TAB2: variants seen among roughly 807,000 people sequenced by gnomAD.
The protein encoded by TAB2 is TGF-beta-activated kinase 1 and MAP3K7-binding protein 2.
A neutral mutation model predicts 65.0 loss-of-function variants in TAB2; 3 were observed. The ratio of observed to expected loss-of-function variants is 0.05; its 90% confidence interval spans 0.02 to 0.12. The LOEUF is 0.12. Among genes scored for constraint, TAB2 ranks in the 10% least tolerant of loss-of-function variants. TAB2 has a pLI of 1.00. For missense variants in TAB2, 623 were observed against 840.3 expected (o/e 0.74, Z 3.20); for synonymous variants, 298 against 285.1 (o/e 1.05, Z -0.46).
At chr6:149,263,339 T>C (rs1011656877) in intron 1 of TAB2, among the ~76,000 whole-genome samples, 5 of 152,220 alleles carry the variant, frequency 3.3e-5, no homozygotes, top group African/African-American at 1.2e-4. Flanking sequence ...TTGGTAGTTA[T>C]CTATATCGAA....
At chr6:149,276,242 A>G (rs982403081) in intron 1 of TAB2, among the ~76,000 whole-genome samples, 1 of 152,198 alleles carries the variant, frequency 6.6e-6, no homozygotes, top group Non-Finnish European at 1.5e-5. Context: ...AATATAATGG[A>G]CTAAAAATTG....
At chr6:149,281,568 A>AAAC (rs1778575367) in intron 1 of TAB2, among the ~76,000 whole-genome samples, 3 of 150,486 alleles carry the variant, frequency 2.0e-5, no homozygotes, top group African/African-American at 7.3e-5. Flanking sequence ...AAAAAAAAAA[A>AAAC]AAAAAAAAAA....
At chr6:149,301,210 A>C (rs1241409272) in intron 1 of TAB2, among the ~76,000 whole-genome samples, 1 of 152,202 alleles carries the variant, frequency 6.6e-6, no homozygotes, top group Non-Finnish European at 1.5e-5. Flanking sequence ...GGACAACCAA[A>C]ACCAGAAGGC....
chr6:149,234,781 C>T (rs1345995630), intron 1 of TAB2, among the ~76,000 whole-genome samples: 1 of 145,896 alleles, frequency 6.9e-6, no homozygotes, highest in Non-Finnish European at 1.5e-5. Flanking sequence ...GAGATTTTTT[C>T]AGTGATTTGA....
At chr6:149,400,660 C>G in intron 6 of TAB2, 2 of 1,614,068 alleles carry the variant, frequency 1.2e-6, no homozygotes, top group Non-Finnish European at 1.7e-6. Flanking sequence ...TTTCAACAGC[C>G]TACGGGAGGT....
intron 1 of TAB2, among the ~76,000 whole-genome samples, chr6:149,237,058 G>A (rs115991557): frequency 0.016 from 2,419 of 152,224 alleles, 70 homozygotes; most frequent in African/African-American, 0.056. Flanking sequence ...GATCCCCTCC[G>A]TGGATCGTGT....
At chr6:149,315,384 G>A (rs1434622188), upstream of TAB2, among the ~76,000 whole-genome samples, 2 of 152,164 alleles carry the variant, frequency 1.3e-5, no homozygotes, top group East Asian at 1.9e-4. Flanking sequence ...ACAGATGTGT[G>A]TATGTGTGTA....
intron 1 of TAB2, among the ~76,000 whole-genome samples, chr6:149,356,314 A>G (rs1401129221): frequency 2.0e-5 from 3 of 152,244 alleles, no homozygotes; most frequent in East Asian, 3.8e-4. Context: ...ACTCAACTTC[A>G]TTTTATACAC....
At chr6:149,369,764 T>C (rs1392367109) in intron 1 of TAB2, 145 bp from the exon 2 acceptor site, 1 of 600,622 alleles carries the variant, frequency 1.7e-6, no homozygotes, top group Non-Finnish European at 2.9e-6. Flanking sequence ...TATAACTATA[T>C]GGAAAGCATT....
chr6:149,229,234 A>C (rs958877688), intron 1 of TAB2, among the ~76,000 whole-genome samples: 1 of 152,166 alleles, frequency 6.6e-6, no homozygotes. Context: ...AGATGCCAAA[A>C]CCAAGGGGGA....
chr6:149,401,730 G>A (rs540639255), intron 6 of TAB2, among the ~76,000 whole-genome samples: 43 of 152,114 alleles, frequency 2.8e-4, no homozygotes, highest in South Asian at 2.3e-3. Context: ...CACAAAACGA[G>A]TTTAAACAAA....
At chr6:149,244,467 C>T (rs1013645779) in intron 1 of TAB2, 2 of 152,330 alleles carry the variant, frequency 1.3e-5, no homozygotes, top group Non-Finnish European at 2.9e-5. Context: ...GAGACAAGGA[C>T]TCTGGGAGTT....
intron 1 of TAB2, among the ~76,000 whole-genome samples, chr6:149,277,837 T>G (rs1778504579): frequency 1.3e-5 from 2 of 152,204 alleles, no homozygotes; most frequent in South Asian, 4.1e-4. Context: ...ACATCAGAAT[T>G]AAAGGCATCA....
chr6:149,299,324 C>A (rs537280886), intron 1 of TAB2, among the ~76,000 whole-genome samples: 1 of 152,302 alleles, frequency 6.6e-6, no homozygotes, highest in South Asian at 2.1e-4. Context: ...GTAATCCCAG[C>A]ACTTTGGGAG....
intron 1 of TAB2, among the ~76,000 whole-genome samples, chr6:149,231,165 A>C (rs985931661): frequency 2.0e-5 from 3 of 152,200 alleles, no homozygotes; most frequent in African/African-American, 7.2e-5. Flanking sequence ...GTGCTTCTGA[A>C]CTTTTACACC....
intron 1 of TAB2, among the ~76,000 whole-genome samples, chr6:149,339,193 G>A (rs541480753): frequency 6.6e-6 from 1 of 151,982 alleles, no homozygotes; most frequent in Non-Finnish European, 1.5e-5. Context: ...GTGAAACTTG[G>A]CTCTACTAAA....
In TAB2 at chr6:149,378,812, T is replaced by C. The variant is rs971262944; in HGVS notation, c.897T>C (p.His299=). The C allele has an allele frequency of 2.5e-6, 4 of 1,614,054 alleles. No homozygotes were observed. Among genetic ancestry groups the C allele is most frequent in the African/African-American group, 1.3e-5 (1 of 74,904 alleles). Residue 299 remains histidine (H), a synonymous_variant, in exon 3 of 7, where the codon CAT becomes CAC. Coordinates refer to ENST00000637181, the MANE Select transcript of TAB2 (RefSeq NM_001292034.3). ...CTACTTCACAACCACCAACCATTCATTCATCTGGTAGCTCACAGTCTTCTG... is the reference window on the plus strand; with the variant it reads ...CTACTTCACAACCACCAACCATTCACTCATCTGGTAGCTCACAGTCTTCTG... ...SPTTSQPPTI[H]SSGSSQSSAH... is the part of the protein sequence containing the mutation.
At chr6:149,399,638 A>G (rs939799723) in intron 6 of TAB2, among the ~76,000 whole-genome samples, 1 of 151,830 alleles carries the variant, frequency 6.6e-6, no homozygotes, top group African/African-American at 2.4e-5. Context: ...TACATCATTG[A>G]TATTCTCAGA....
intron 6 of TAB2, among the ~76,000 whole-genome samples, chr6:149,408,222 T>A (rs1162928704): frequency 6.6e-6 from 1 of 152,206 alleles, no homozygotes; most frequent in Non-Finnish European, 1.5e-5. Flanking sequence ...TGTCAGACCC[T>A]TGATTTTTTT....
Sources: gnomAD v4.1 joint callset for allele counts (sites outside exome capture counted in the v4.1 genomes callset) on GRCh38, gnomAD v4.1.1 for gene constraint, MANE v1.5 for transcripts, NCBI Gene and HGNC (gene_info 2026-07-23, HGNC 2026-07-21) for gene names.